The following CSNK1G1 variants were observed in gnomAD, a reference collection of about 807,000 sequenced individuals.
CSNK1G1 encodes the protein casein kinase 1 gamma 1.
Under a neutral mutation model 59.6 loss-of-function variants are expected in CSNK1G1, and 22 were observed. The observed-to-expected ratio is 0.37, with a 90% confidence interval of 0.26 to 0.53. The LOEUF is 0.53. Ranked by LOEUF, CSNK1G1 falls within the 20% of genes least tolerant of loss-of-function variation. The pLI is 0.89. For synonymous variants in CSNK1G1, 179 were observed against 177.1 expected, an observed-to-expected ratio of 1.01 and a Z score of -0.08; for missense variants, 384 against 519.5, an observed-to-expected ratio of 0.74 and a Z score of 2.54.
intron 10 of CSNK1G1, among the ~76,000 whole-genome samples, chr15:64,202,091 T>C (rs945060174): frequency 8.5e-5 from 13 of 152,218 alleles, no homozygotes; most frequent in Non-Finnish European, 1.6e-4. Context: ...GGCTGAGAGA[T>C]GTCCCTCACT....
chr15:64,188,357 A>T lies in CSNK1G1; in HGVS notation c.1108-7903T>A. 2 of 1,522,492 alleles carry T rather than the reference A, an allele frequency of 1.3e-6. No homozygotes were observed. Among genetic ancestry groups the T allele is most frequent in the Non-Finnish European group, 1.8e-6 (2 of 1,135,462 alleles). 94.3% of individuals were successfully genotyped at this position (1,522,492 alleles called of 1,614,324 possible). On this transcript the variant is annotated intron_variant, in intron 10 of 11. Coordinates refer to ENST00000303052, the MANE Select transcript of CSNK1G1 (RefSeq NM_022048.5). The surrounding 1 kb of genome is among the most constrained non-coding windows in gnomAD (Gnocchi z 4.2). ...CAAGCTGGAAAGGCCAGGAAAAGGC[A>T]ATAAAGGCAGTAAATACCTGCACTG...
Position 64,216,703 on chromosome 15 carries a change from G to A in CSNK1G1, c.303C>T (p.Leu101=). 6.2e-7 allele frequency: 1 copy of A among 1,614,084 alleles called. No individual in the cohort carries two copies. The highest frequency in any genetic ancestry group is 1.7e-5 in the Admixed American group (1 of 60,022). The change falls in exon 5 of 12, where the codon CTC becomes CTT. Residue 101 remains leucine (L), a synonymous_variant. Transcript: ENST00000303052. This position sits in a 1 kb window ranked among gnomAD's most constrained non-coding sequence, Gnocchi z 4.6. ...YKQLGSAGEG[L]PQVYYFGPCG... ...ATGGTCCAAAGTAATACACCTGTGG[G>A]AGACCTTCACCTGAAAGCAGAGGGG...
chr15:64,294,095 C>T (rs749573580), intron 2 of CSNK1G1, among the ~76,000 whole-genome samples: 13 of 152,066 alleles, frequency 8.5e-5, no homozygotes, highest in African/African-American at 2.4e-4. Flanking sequence ...TTTTTTGAGA[C>T]GGAGTCTCAC....
At chr15:64,280,365 T>C (rs765954584) in intron 2 of CSNK1G1, among the ~76,000 whole-genome samples, 4 of 152,020 alleles carry the variant, frequency 2.6e-5, no homozygotes, top group Non-Finnish European at 5.9e-5. Flanking sequence ...AAATAGGTAG[T>C]CATTCCACTC....
At position 64,180,444 on chromosome 15, in the gene CSNK1G1, G is replaced by T; in HGVS notation, c.1118C>A (p.Ser373Ter). The T allele has an allele frequency of 6.2e-7, 1 of 1,613,782 alleles. No individual in the cohort carries two copies. The highest frequency in any genetic ancestry group is 2.2e-5 in the East Asian group (1 of 44,890). ...ATCAACATTCAGCTCTCCATTGGTT[G>T]AGCTAACCACCTGAAACAGAAAGAC... ...QQPLRNQVVS[S>*]TNGELNVDDP... The change falls in exon 11 of 12, where the codon TCA (serine) becomes TAA (stop). Residue 373 changes from serine (S) to a stop codon, truncating the protein, a stop_gained. Transcript: ENST00000303052. LOFTEE classifies it high-confidence loss of function.
At chr15:64,277,665 A>C (rs1438773535) in intron 2 of CSNK1G1, among the ~76,000 whole-genome samples, 1 of 131,884 alleles carries the variant, frequency 7.6e-6, no homozygotes, top group Non-Finnish European at 1.5e-5. Flanking sequence ...AGCAATATTG[A>C]TATATTTAAT....
chr15:64,301,669 C>T (rs529681889), intron 1 of CSNK1G1, among the ~76,000 whole-genome samples: 2 of 152,308 alleles, frequency 1.3e-5, no homozygotes, highest in South Asian at 4.1e-4. Flanking sequence ...AGGCAGATCA[C>T]CTGAGGTCAA....
At chr15:64,291,815 T>C (rs1894756037) in intron 2 of CSNK1G1, among the ~76,000 whole-genome samples, 1 of 152,114 alleles carries the variant, frequency 6.6e-6, no homozygotes, top group Non-Finnish European at 1.5e-5. Context: ...TGGGATATAA[T>C]ATGAAATGAA....
intron 1 of CSNK1G1, among the ~76,000 whole-genome samples, chr15:64,326,163 C>G (rs998549217): frequency 1.3e-5 from 2 of 152,124 alleles, no homozygotes; most frequent in South Asian, 2.1e-4. Context: ...GTGGCTGGGA[C>G]TACAGGTGTG....
intron 1 of CSNK1G1, among the ~76,000 whole-genome samples, chr15:64,332,291 T>C (rs907207975): frequency 5.9e-5 from 7 of 118,420 alleles, no homozygotes; most frequent in Non-Finnish European, 5.3e-5. Flanking sequence ...CCAACAATGA[T>C]AGACTGGATT....
intron 2 of CSNK1G1, among the ~76,000 whole-genome samples, chr15:64,269,002 C>T (rs1161026022): frequency 2.6e-5 from 4 of 152,002 alleles, no homozygotes; most frequent in Non-Finnish European, 4.4e-5. Flanking sequence ...ACCATTTTTG[C>T]TTTGCAAACA....
At chr15:64,276,314 C>T (rs573628687) in intron 2 of CSNK1G1, among the ~76,000 whole-genome samples, 207 of 152,190 alleles carry the variant, frequency 1.4e-3, no homozygotes, top group African/African-American at 4.7e-3. Flanking sequence ...CAGAGAAATA[C>T]CAAAGTATTT....
At chr15:64,251,602 C>T (rs752617335) in intron 3 of CSNK1G1, 21 bp from the exon 4 acceptor site, 7 of 1,569,718 alleles carry the variant, frequency 4.5e-6, no homozygotes, top group Non-Finnish European at 8.8e-7. Flanking sequence ...AAAAGAAAAA[C>T]TGTGATCAGA....
intron 1 of CSNK1G1, among the ~76,000 whole-genome samples, chr15:64,353,981 G>C (rs1424997990): frequency 1.3e-5 from 2 of 151,910 alleles, no homozygotes; most frequent in African/African-American, 4.8e-5. Context: ...TGAGATGAGA[G>C]GTGCTGCTGA....
intron 2 of CSNK1G1, among the ~76,000 whole-genome samples, chr15:64,276,206 G>A (rs910682785): frequency 6.6e-6 from 1 of 152,116 alleles, no homozygotes; most frequent in Non-Finnish European, 1.5e-5. Flanking sequence ...ACTTTCAAGG[G>A]CCTATGCTTT....
chr15:64,184,474 C>T (rs1215769400), intron 10 of CSNK1G1, among the ~76,000 whole-genome samples: 2 of 151,586 alleles, frequency 1.3e-5, no homozygotes, highest in Admixed American at 6.6e-5. Context: ...CTCAGCAGTT[C>T]GAGACCAGCC....
At position 64,167,363 on chromosome 15, in the gene CSNK1G1, A is replaced by G. The variant is rs1002465337; in HGVS notation, c.*4568T>C. 1 of 152,540 alleles carries G rather than the reference A, an allele frequency of 6.6e-6. No homozygotes were observed. Among genetic ancestry groups the G allele is most frequent in the African/African-American group, 2.4e-5 (1 of 41,456 alleles). 9.4% of individuals were successfully genotyped at this position (152,540 alleles called of 1,614,324 possible). On this transcript the variant is annotated 3_prime_UTR_variant, in exon 12 of 12. Transcript: ENST00000303052. ...ACAACAACAAAAAAACAAAACCCAA[A>G]GCCAAAGGAATCCCAATTTGATTCC...
intron 2 of CSNK1G1, among the ~76,000 whole-genome samples, chr15:64,290,651 CA>C (rs1321143326): frequency 6.6e-6 from 1 of 151,942 alleles, no homozygotes; most frequent in African/African-American, 2.4e-5. Context: ...GATAGTTACA[CA>C]AAAAAACCCA....
intron 1 of CSNK1G1, among the ~76,000 whole-genome samples, chr15:64,354,148 AC>A (rs1235613615): frequency 6.6e-6 from 1 of 152,126 alleles, no homozygotes; most frequent in Non-Finnish European, 1.5e-5. Context: ...TACTAAAAAT[AC>A]AAAAAATTAG....
Sources: allele counts gnomAD v4.1 joint callset (sites outside exome capture counted in the v4.1 genomes callset), GRCh38; gene constraint gnomAD v4.1.1; non-coding constraint Gnocchi (gnomAD v3.1); transcripts MANE v1.5; gene names NCBI Gene and HGNC (gene_info 2026-07-23, HGNC 2026-07-21).